Variants in ATXN10 observed in about 807,000 individuals in gnomAD.
ATXN10 encodes the protein ataxin 10.
A neutral mutation model predicts 52.9 loss-of-function variants in ATXN10; 28 were observed. The observed-to-expected ratio is 0.53, with a 90% CI of 0.39 to 0.73. ATXN10 has a LOEUF of 0.73. Ranked by LOEUF, ATXN10 falls within the 30% of genes least tolerant of loss-of-function variation. ATXN10 has a pLI of 0.00. For missense variants in ATXN10, 565 were observed against 577.0 expected, an observed-to-expected ratio of 0.98 and a Z score of 0.21; for synonymous variants, 226 against 221.5, an observed-to-expected ratio of 1.02 and a Z score of -0.18.
intron 9 of ATXN10, among the ~76,000 whole-genome samples, chr22:45,801,376 G>C (rs1396256154): frequency 6.6e-6 from 1 of 152,232 alleles, no homozygotes; most frequent in Non-Finnish European, 1.5e-5. Flanking sequence ...CAATGCCCAA[G>C]CCACTTCTTT....
intron 9 of ATXN10, among the ~76,000 whole-genome samples, chr22:45,788,222 A>AAT (rs928065137): frequency 1.3e-5 from 2 of 152,126 alleles, no homozygotes; most frequent in Non-Finnish European, 2.9e-5. Context: ...AGAGATGGAT[A>AAT]ATATATAACT....
chr22:45,752,737 C>T (rs2146818873), intron 9 of ATXN10, among the ~76,000 whole-genome samples: 1 of 151,870 alleles, frequency 6.6e-6, no homozygotes, highest in South Asian at 2.1e-4. Context: ...TTTTTCAGAT[C>T]CACTTCTTTT....
chr22:45,700,440 T>A, intron 4 of ATXN10, 62 bp downstream of exon 4: 1 of 1,377,742 alleles, frequency 7.3e-7, no homozygotes, highest in Non-Finnish European at 1.0e-6. Flanking sequence ...TTTTTCCATT[T>A]TATATAAAGT....
Position 45,690,628 on chromosome 22 carries a change from A to G in ATXN10, c.308+725A>G, listed in dbSNP as rs1569024245. ...TTACTCTTGTGTTTGGACAAGAAGC[A>G]TATTTTGTAAATTTACAAGATGACC... On this transcript the variant is annotated intron_variant, in intron 2 of 11. Coordinates refer to ENST00000252934, the MANE Select transcript of ATXN10 (RefSeq NM_013236.4). This position sits in a 1 kb window ranked among gnomAD's most constrained non-coding sequence, Gnocchi z 4.5. 1.3e-5 allele frequency among the ~76,000 whole-genome samples: 2 copies of G among 152,226 alleles called. No individual in the cohort carries two copies. Among genetic ancestry groups the G allele is most frequent in the South Asian group, 2.1e-4 (1 of 4,828 alleles).
intron 6 of ATXN10, among the ~76,000 whole-genome samples, chr22:45,721,412 T>A (rs765954418): frequency 1.3e-5 from 2 of 152,226 alleles, no homozygotes; most frequent in Non-Finnish European, 2.9e-5. Flanking sequence ...GAAATTGTTA[T>A]GATAACTGAT....
chr22:45,836,212 G>A (rs967611821), intron 10 of ATXN10, among the ~76,000 whole-genome samples: 1 of 152,250 alleles, frequency 6.6e-6, no homozygotes, highest in African/African-American at 2.4e-5. Context: ...AGAAGAGTAT[G>A]CAGTGGGACC....
chr22:45,695,898 G>A (rs565784893), intron 3 of ATXN10, among the ~76,000 whole-genome samples: 38 of 152,298 alleles, frequency 2.5e-4, no homozygotes, highest in East Asian at 1.2e-3. Context: ...CTAAATTAGC[G>A]TGTTAGAGCA....
At chr22:45,734,731 T>A (rs2146795318) in intron 7 of ATXN10, among the ~76,000 whole-genome samples, 1 of 151,908 alleles carries the variant, frequency 6.6e-6, no homozygotes, top group Non-Finnish European at 1.5e-5. Flanking sequence ...ATTATTTATG[T>A]CTTTTGACTA....
chr22:45,697,141 A>AT (rs999635169), intron 3 of ATXN10, among the ~76,000 whole-genome samples: 123 of 149,650 alleles, frequency 8.2e-4, no homozygotes, highest in African/African-American at 2.6e-3. Context: ...TAAAAAAAAA[A>AT]TTTTTTTTTT....
intron 9 of ATXN10, among the ~76,000 whole-genome samples, chr22:45,782,713 TG>T (rs1308299244): frequency 6.6e-6 from 1 of 152,186 alleles, no homozygotes; most frequent in Non-Finnish European, 1.5e-5. Context: ...ATATAAAACT[TG>T]TATAAGCGAT....
In ATXN10 at chr22:45,842,864, A is replaced by G. The variant is rs1019877904; in HGVS notation, c.1238-127A>G. The G allele has an allele frequency of 5.8e-5, 63 of 1,082,496 alleles. No individual in the cohort carries two copies. In the East Asian group the frequency reaches 1.5e-3, roughly 25 times the overall value. The allele number at this position is 1,082,496 out of a possible 1,614,324, so 67.1% of individuals were successfully genotyped here. The stretch of plus-strand genomic sequence containing the variant: ...ATGCATATTCAGAGAATGCATCCTC[A>G]AGAAAACTTGTGGATTGATACTGGA... On this transcript the variant is annotated intron_variant, in intron 10 of 11. Coordinates refer to ENST00000252934, the MANE Select transcript of ATXN10 (RefSeq NM_013236.4). The surrounding 1 kb of genome is among the most constrained non-coding windows in gnomAD (Gnocchi z 4.8).
chr22:45,747,970 A>G (rs1449553325), intron 9 of ATXN10, among the ~76,000 whole-genome samples: 1 of 152,106 alleles, frequency 6.6e-6, no homozygotes, highest in African/African-American at 2.4e-5. Context: ...GGGCCAAGGC[A>G]GGAGGATCGC....
chr22:45,703,261 C>T (rs1375001127), intron 5 of ATXN10, among the ~76,000 whole-genome samples: 2 of 152,074 alleles, frequency 1.3e-5, no homozygotes, highest in African/African-American at 2.4e-5. Flanking sequence ...AATTGCCCCC[C>T]GATACATAAT....
chr22:45,835,343 CG>C lies in ATXN10; in HGVS notation c.1238-7647del, dbSNP rs1929132813. 6.6e-6 allele frequency among the ~76,000 whole-genome samples: 1 copy of C among 152,194 alleles called. No homozygotes were observed. The highest frequency in any genetic ancestry group is 2.4e-5 in the African/African-American group (1 of 41,436). On this transcript the variant is annotated intron_variant, in intron 10 of 11. Transcript: ENST00000252934. This position sits in a 1 kb window ranked among gnomAD's most constrained non-coding sequence, Gnocchi z 5.0. ...TACACGCCCAGCAAGGCCTGGACAG[CG>C]CACTGGTGCCACAGCCCTTCGCTCG...
rs1986123786 is a variant in ATXN10 at position 45,705,679 on chromosome 22, C to T, written c.647+2832C>T. ...TTGAACTCCTAATCTCATGAGCCAC[C>T]TGCCTCAGCCTCCCAAAGTGCTGGG... On this transcript the variant is annotated intron_variant, in intron 5 of 11. Coordinates refer to ENST00000252934, the MANE Select transcript of ATXN10 (RefSeq NM_013236.4). The surrounding 1 kb of genome is among the most constrained non-coding windows in gnomAD (Gnocchi z 5.2). Among the ~76,000 whole-genome samples, 1 of 152,272 alleles carries T rather than the reference C, an allele frequency of 6.6e-6. No individual in the cohort carries two copies. Among genetic ancestry groups the T allele is most frequent in the Non-Finnish European group, 1.5e-5 (1 of 68,018 alleles).
At chr22:45,752,651 A>T (rs1601624623) in intron 9 of ATXN10, among the ~76,000 whole-genome samples, 1 of 151,886 alleles carries the variant, frequency 6.6e-6, no homozygotes, top group East Asian at 1.9e-4. Context: ...CACTGTGGGA[A>T]CTAAGGGTTA....
chr22:45,716,771 T>C (rs1052339716), intron 5 of ATXN10, among the ~76,000 whole-genome samples: 5 of 151,998 alleles, frequency 3.3e-5, no homozygotes, highest in African/African-American at 1.2e-4. Context: ...CAGAAATCAA[T>C]GAAACATAAG....
intron 8 of ATXN10, among the ~76,000 whole-genome samples, chr22:45,740,131 C>T (rs1925452857): frequency 6.6e-6 from 1 of 152,114 alleles, no homozygotes; most frequent in Non-Finnish European, 1.5e-5. Context: ...TTGGGGTAGT[C>T]ATTATGGCTT....
In ATXN10 at chr22:45,705,480, C is replaced by G. The variant is rs542831575; in HGVS notation, c.647+2633C>G. On this transcript the variant is annotated intron_variant, in intron 5 of 11. Coordinates refer to ENST00000252934, the MANE Select transcript of ATXN10 (RefSeq NM_013236.4). This position sits in a 1 kb window ranked among gnomAD's most constrained non-coding sequence, Gnocchi z 5.2. Reference sequence around the variant, plus strand: ...ACGGAGTCTCACTCTGTTGCCCAGGCTGGAGTGCAGTGGTGCGATCTCGGC... The same window carrying G: ...ACGGAGTCTCACTCTGTTGCCCAGGGTGGAGTGCAGTGGTGCGATCTCGGC... Among the ~76,000 whole-genome samples, 1 of 152,126 alleles carries G rather than the reference C, an allele frequency of 6.6e-6. No individual in the cohort carries two copies. Among genetic ancestry groups the G allele is most frequent in the Non-Finnish European group, 1.5e-5 (1 of 68,014 alleles).
Sources: gnomAD v4.1 joint callset for allele counts (sites outside exome capture counted in the v4.1 genomes callset) on GRCh38, gnomAD v4.1.1 for gene constraint, Gnocchi (gnomAD v3.1) non-coding constraint, MANE v1.5 for transcripts, NCBI Gene and HGNC (gene_info 2026-07-23, HGNC 2026-07-21) for gene names.